Variants in CTNND2 observed in about 807,000 individuals in gnomAD.
CTNND2 encodes catenin delta-2.
A neutral mutation model predicts 144.4 loss-of-function variants in CTNND2; 22 were observed. That is an observed-to-expected ratio of 0.15 (90% CI 0.11 to 0.22). The LOEUF is 0.22. Ranked by LOEUF, CTNND2 falls within the 10% of genes least tolerant of loss-of-function variation. CTNND2 has a pLI of 1.00. For synonymous variants in CTNND2, 751 were observed against 695.6 expected (o/e 1.08, Z -1.25); for missense variants, 1,353 against 1,618.8 (o/e 0.84, Z 2.82).
chr5:11,634,910 A>G (rs2126481185), intron 2 of CTNND2, among the ~76,000 whole-genome samples: 1 of 152,178 alleles, frequency 6.6e-6, no homozygotes. Context: ...TATTTTTGGC[A>G]ACCTGGAGAT....
intron 7 of CTNND2, among the ~76,000 whole-genome samples, chr5:11,378,523 G>A (rs1231964169): frequency 6.6e-6 from 1 of 152,192 alleles, no homozygotes; most frequent in Non-Finnish European, 1.5e-5. Context: ...TTAACTTTAA[G>A]TGACAGTGGG....
chr5:11,241,930 T>C (rs1428166420), intron 9 of CTNND2, among the ~76,000 whole-genome samples: 2 of 125,188 alleles, frequency 1.6e-5, no homozygotes, highest in Non-Finnish European at 3.4e-5. Flanking sequence ...TCACCGGGGG[T>C]GGGGGGTCGG....
At chr5:11,472,269 T>C (rs990790240) in intron 3 of CTNND2, among the ~76,000 whole-genome samples, 4 of 152,214 alleles carry the variant, frequency 2.6e-5, no homozygotes, top group Admixed American at 1.3e-4. Flanking sequence ...TATCTTTCAA[T>C]AAAATTATCT....
At chr5:11,004,414 T>C (rs1740263139) in intron 18 of CTNND2, among the ~76,000 whole-genome samples, 1 of 152,216 alleles carries the variant, frequency 6.6e-6, no homozygotes, top group African/African-American at 2.4e-5. Context: ...GGGAACAAAT[T>C]CGATGTTTAC....
intron 3 of CTNND2, among the ~76,000 whole-genome samples, chr5:11,466,265 G>A (rs557817891): frequency 6.6e-6 from 1 of 152,064 alleles, no homozygotes; most frequent in African/African-American, 2.4e-5. Flanking sequence ...GCCTCCCAAA[G>A]GACATAAAAC....
intron 5 of CTNND2, among the ~76,000 whole-genome samples, chr5:11,404,229 T>G (rs1309164407): frequency 6.6e-6 from 1 of 152,174 alleles, no homozygotes; most frequent in African/African-American, 2.4e-5. Context: ...GAAAACCTTT[T>G]GGCTTTGAAA....
chr5:11,062,575 C>T (rs183348048), intron 16 of CTNND2, among the ~76,000 whole-genome samples: 1 of 152,242 alleles, frequency 6.6e-6, no homozygotes, highest in Non-Finnish European at 1.5e-5. Flanking sequence ...ATTCATCAGA[C>T]AAGCACATTC....
chr5:11,286,938 G>A (rs999028876), intron 9 of CTNND2, among the ~76,000 whole-genome samples: 2 of 152,180 alleles, frequency 1.3e-5, no homozygotes, highest in African/African-American at 4.8e-5. Context: ...CCATCAATCA[G>A]AGAACAGATG....
intron 3 of CTNND2, among the ~76,000 whole-genome samples, chr5:11,561,563 T>G (rs1338540629): frequency 6.6e-6 from 1 of 152,144 alleles, no homozygotes; most frequent in African/African-American, 2.4e-5. Flanking sequence ...TTGCAGGGAG[T>G]TATAACCTAC....
intron 16 of CTNND2, among the ~76,000 whole-genome samples, chr5:11,027,621 T>G (rs971976409): frequency 6.6e-6 from 1 of 152,236 alleles, no homozygotes; most frequent in Admixed American, 6.5e-5. Flanking sequence ...TGTGTGTGTG[T>G]GTGTGTTTCC....
intron 11 of CTNND2, among the ~76,000 whole-genome samples, chr5:11,184,426 A>T (rs913654291): frequency 2.6e-5 from 4 of 152,202 alleles, no homozygotes; most frequent in Non-Finnish European, 5.9e-5. Context: ...TGCACTTATG[A>T]ATTAAAATCC....
At chr5:11,167,662 C>T (rs61751836) in intron 11 of CTNND2, among the ~76,000 whole-genome samples, 9,846 of 150,492 alleles carry the variant, frequency 0.065, 596 homozygotes, top group East Asian at 0.33. Context: ...AGATGATAAA[C>T]ATTTAGATGG....
chr5:11,383,755 A>G (rs764700476), intron 7 of CTNND2, among the ~76,000 whole-genome samples: 11 of 152,210 alleles, frequency 7.2e-5, no homozygotes, highest in Non-Finnish European at 1.3e-4. Flanking sequence ...ACAATTACCA[A>G]ATCCTTCTGT....
chr5:11,412,694 G>A (rs1761637545), intron 3 of CTNND2, among the ~76,000 whole-genome samples: 1 of 152,096 alleles, frequency 6.6e-6, no homozygotes, highest in South Asian at 2.1e-4. Flanking sequence ...ATAGGTAACA[G>A]ATTTATTTTG....
At chr5:11,866,080 A>C (rs1209670960) in intron 1 of CTNND2, among the ~76,000 whole-genome samples, 3 of 152,042 alleles carry the variant, frequency 2.0e-5, no homozygotes, top group Non-Finnish European at 4.4e-5. Context: ...AAGTGGGAGG[A>C]TCTCTTGAAG....
intron 9 of CTNND2, among the ~76,000 whole-genome samples, chr5:11,333,305 C>T: frequency 6.6e-6 from 1 of 151,830 alleles, no homozygotes; most frequent in East Asian, 1.9e-4. Flanking sequence ...ACTCTGTTGC[C>T]CAGGCTGGAG....
chr5:11,358,049 T>C (rs1376515934), intron 8 of CTNND2, among the ~76,000 whole-genome samples: 1 of 152,190 alleles, frequency 6.6e-6, no homozygotes, highest in East Asian at 1.9e-4. Context: ...TGAAATCTCA[T>C]ACTTGGCTTC....
At position 11,732,289 on chromosome 5, in the gene CTNND2, C is replaced by G; in HGVS notation, c.38-17G>C. On this transcript the variant is annotated splice_polypyrimidine_tract_variant and intron_variant, in intron 1 of 21. Transcript: ENST00000304623. ...GCATAGCTCCTGCAAGGCAAGAGGA[C>G]ATGATCAATACAATCAGATGTTGAC... The G allele has an allele frequency of 6.2e-7, 1 of 1,611,304 alleles. No homozygotes were observed. Among genetic ancestry groups the G allele is most frequent in the African/African-American group, 1.3e-5 (1 of 74,936 alleles).
chr5:11,886,974 G>GTTT (rs1736582715), intron 1 of CTNND2, among the ~76,000 whole-genome samples: 3 of 103,242 alleles, frequency 2.9e-5, no homozygotes, highest in Non-Finnish European at 6.3e-5. Flanking sequence ...CTATCCTACT[G>GTTT]CTTTTTTTTT....
Sources: allele counts gnomAD v4.1 joint callset (sites outside exome capture counted in the v4.1 genomes callset), GRCh38; gene constraint gnomAD v4.1.1; transcripts MANE v1.5; gene names NCBI Gene and HGNC (gene_info 2026-07-23, HGNC 2026-07-21).